The following DENND6A variants were observed in gnomAD, a reference collection of about 807,000 sequenced individuals.
The protein encoded by DENND6A is DENN domain containing 6A.
In DENND6A, 43 loss-of-function variants were observed where a neutral mutation model predicts 95.5. That is an observed-to-expected ratio of 0.45 (90% CI 0.35 to 0.58). The LOEUF is 0.58. DENND6A is among the 20% of genes least tolerant of loss of function. The pLI, the probability that DENND6A is intolerant of heterozygous loss-of-function variation, is 0.00. For synonymous variants in DENND6A, 257 were observed against 260.4 expected, an observed-to-expected ratio of 0.99 and a Z score of 0.13; for missense variants, 574 against 736.0, an observed-to-expected ratio of 0.78 and a Z score of 2.55.
Position 57,671,242 on chromosome 3 carries a change from C to T in DENND6A, c.319+1014G>A, listed in dbSNP as rs374928631. On this transcript the variant is annotated intron_variant, in intron 3 of 19. Transcript: ENST00000311128. ...TAACTAGCACAATATTAGAAGTAAC[C>T]GGCCGGGTGTGGTGGCTCACGCCTG... 1.4e-3 allele frequency among the ~76,000 whole-genome samples: 212 copies of T among 152,188 alleles called. 2 individuals are homozygous for T. The highest frequency in any genetic ancestry group is 4.8e-3 in the African/African-American group (198 of 41,524).
At chr3:57,631,739 T>C (rs1213226407) in intron 15 of DENND6A, among the ~76,000 whole-genome samples, 1 of 142,064 alleles carries the variant, frequency 7.0e-6, no homozygotes, top group East Asian at 2.0e-4. Flanking sequence ...TTTTTTTTTT[T>C]TGAGACGGAG....
At chr3:57,669,946 G>T (rs1233774129) in intron 3 of DENND6A, among the ~76,000 whole-genome samples, 1 of 151,098 alleles carries the variant, frequency 6.6e-6, no homozygotes, top group African/African-American at 2.4e-5. Flanking sequence ...ACTTGAACTG[G>T]GAGGCGGAGG....
chr3:57,685,440 T>G (rs554184147), intron 1 of DENND6A, among the ~76,000 whole-genome samples: 65 of 152,148 alleles, frequency 4.3e-4, no homozygotes, highest in Admixed American at 8.5e-4. Flanking sequence ...CTTTTCAGAT[T>G]CTAGAATATT....
chr3:57,665,490 T>C (rs1431625366), intron 4 of DENND6A, among the ~76,000 whole-genome samples: 1 of 152,052 alleles, frequency 6.6e-6, no homozygotes, highest in Non-Finnish European at 1.5e-5. Context: ...TTATCATTGG[T>C]TGGAAGAATA....
At chr3:57,632,676 C>T (rs2070711940) in intron 15 of DENND6A, among the ~76,000 whole-genome samples, 1 of 152,114 alleles carries the variant, frequency 6.6e-6, no homozygotes, top group African/African-American at 2.4e-5. Flanking sequence ...CTCTATGATG[C>T]AGTTTCCAGA....
chr3:57,636,758 G>A (rs1018390992), intron 12 of DENND6A, among the ~76,000 whole-genome samples: 2 of 151,916 alleles, frequency 1.3e-5, no homozygotes, highest in African/African-American at 4.8e-5. Flanking sequence ...CCAACATGGG[G>A]AAGCCCTGTC....
chr3:57,628,226 C>G lies in DENND6A; in HGVS notation c.1815G>C (p.Thr605=). ...PEDLQGILLK[T]GMT ...ATCTTGGCAAATATCATGTCATGCC[C>G]GTTTTGAGCAGTATGCCTTGCAAGT... Residue 605 remains threonine, a synonymous_variant, in exon 20 of 20, where the codon ACG becomes ACC. Transcript: ENST00000311128. The G allele has an allele frequency of 6.2e-7, 1 of 1,612,408 alleles. No homozygotes were observed. Among genetic ancestry groups the G allele is most frequent in the Non-Finnish European group, 8.5e-7 (1 of 1,179,454 alleles).
intron 1 of DENND6A, among the ~76,000 whole-genome samples, chr3:57,674,897 CTCTTA>C (rs1408811938): frequency 6.6e-6 from 1 of 152,148 alleles, no homozygotes; most frequent in Middle Eastern, 3.2e-3. Context: ...TGCATATTGT[CTCTTA>C]TAAGTGGGAG....
intron 4 of DENND6A, among the ~76,000 whole-genome samples, chr3:57,664,428 A>G (rs1480392610): frequency 6.6e-6 from 1 of 152,216 alleles, no homozygotes; most frequent in Non-Finnish European, 1.5e-5. Flanking sequence ...TATTCCTTAA[A>G]CAAATATATA....
intron 1 of DENND6A, among the ~76,000 whole-genome samples, chr3:57,674,828 G>A (rs1279568592): frequency 6.6e-6 from 1 of 152,148 alleles, no homozygotes. Flanking sequence ...ATGGGAACAC[G>A]GATGAAGCTG....
intron 11 of DENND6A, among the ~76,000 whole-genome samples, chr3:57,645,224 A>G (rs1465950648): frequency 2.0e-5 from 3 of 152,116 alleles, no homozygotes; most frequent in African/African-American, 4.8e-5. Context: ...GCACTTTGTG[A>G]GGCTGAGGCA....
At position 57,682,281 on chromosome 3, in the gene DENND6A, CAAAAAAAAAAAA is replaced by C. The variant is rs10618015; in HGVS notation, c.238-9855_238-9844del. On this transcript the variant is annotated intron_variant, in intron 1 of 19. Transcript: ENST00000311128. The stretch of plus-strand genomic sequence containing the variant: ...GGGCAACAAGAGTGAGACTCCGTCT[CAAAAAAAAAAAA>C]AAAAAAAAAAAAAAAAATTATATTC... Among the ~76,000 whole-genome samples, 36 of 53,568 alleles carry C rather than the reference CAAAAAAAAAAAA, an allele frequency of 6.7e-4. No individual in the cohort carries two copies. In the South Asian group the frequency reaches 0.013, roughly 20 times the overall value. 35.1% of individuals were successfully genotyped at this position (53,568 alleles called of 152,430 possible).
Position 57,650,165 on chromosome 3 carries a change from A to G in DENND6A, c.819-3727T>C, listed in dbSNP as rs565615621. Among the ~76,000 whole-genome samples, 9 of 152,166 alleles carry G rather than the reference A, an allele frequency of 5.9e-5. No homozygotes were observed. The South Asian group carries it at 1.0e-3, about 18-fold the overall frequency. ...GAAAGGGAGGGAGGGGGTGAGGGAT[A>G]AAAAGACTACATATTGGGTACAGTG... On this transcript the variant is annotated intron_variant, in intron 9 of 19. Transcript: ENST00000311128.
Position 57,625,975 on chromosome 3 carries a change from A to G in DENND6A, c.*2239T>C, listed in dbSNP as rs1366749861. On this transcript the variant is annotated 3_prime_UTR_variant, in exon 20 of 20. Coordinates refer to ENST00000311128, the MANE Select transcript of DENND6A (RefSeq NM_152678.3). ...TCACAAACTGTATATAAATTGTACAATTATTAAAATATACCTTTTTGAAAA... is the reference window on the plus strand; with the variant it reads ...TCACAAACTGTATATAAATTGTACAGTTATTAAAATATACCTTTTTGAAAA... 1 of 152,658 alleles carries G rather than the reference A, an allele frequency of 6.6e-6. No individual in the cohort carries two copies. Among genetic ancestry groups the G allele is most frequent in the Non-Finnish European group, 1.5e-5 (1 of 68,048 alleles). 9.5% of individuals were successfully genotyped at this position (152,658 alleles called of 1,614,324 possible). A position where few individuals can be genotyped will look rare whatever the true frequency, so the allele number is the denominator to read the frequency against.
chr3:57,650,350 A>G (rs1032122557), intron 9 of DENND6A, among the ~76,000 whole-genome samples: 11 of 152,038 alleles, frequency 7.2e-5, no homozygotes, highest in African/African-American at 2.4e-4. Flanking sequence ...GATTACTAAC[A>G]GAGGTATTGA....
intron 3 of DENND6A, among the ~76,000 whole-genome samples, chr3:57,667,332 A>T (rs1195038495): frequency 1.3e-5 from 2 of 151,026 alleles, no homozygotes; most frequent in Admixed American, 6.6e-5. Flanking sequence ...TTTAAAAAAA[A>T]TTTCACTAGA....
intron 1 of DENND6A, among the ~76,000 whole-genome samples, chr3:57,690,331 C>T (rs991266171): frequency 1.3e-5 from 2 of 152,056 alleles, no homozygotes; most frequent in Non-Finnish European, 2.9e-5. Context: ...CGGTGAAACC[C>T]CGTCTCTATT....
At chr3:57,662,854 C>A (rs2071449021) in intron 5 of DENND6A, among the ~76,000 whole-genome samples, 1 of 151,948 alleles carries the variant, frequency 6.6e-6, no homozygotes, top group Non-Finnish European at 1.5e-5. Flanking sequence ...CACGGTGGCT[C>A]ATGCCTGTAA....
intron 12 of DENND6A, among the ~76,000 whole-genome samples, chr3:57,640,859 T>C (rs946812726): frequency 3.9e-5 from 6 of 152,104 alleles, no homozygotes; most frequent in African/African-American, 1.4e-4. Flanking sequence ...TACCATTTAG[T>C]TGTCATCTAG....
Sources: allele counts gnomAD v4.1 joint callset (sites outside exome capture counted in the v4.1 genomes callset), GRCh38; gene constraint gnomAD v4.1.1; transcripts MANE v1.5; gene names NCBI Gene and HGNC (gene_info 2026-07-23, HGNC 2026-07-21).